Variants in ANKRD13A observed in about 807,000 individuals in gnomAD.
ANKRD13A encodes the protein ankyrin repeat domain-containing protein 13A.
ANKRD13A carries 48 observed loss-of-function variants against 81.3 expected under a neutral mutation model. That is an observed-to-expected ratio of 0.59 (90% CI 0.47 to 0.75). The LOEUF (loss-of-function observed/expected upper bound fraction) is 0.75. ANKRD13A is among the 30% of genes least tolerant of loss of function. The probability of loss-of-function intolerance (pLI) is 0.00; values close to 1 mark genes in which losing one functional copy is unlikely to be tolerated. For synonymous variants in ANKRD13A, 230 were observed against 270.1 expected, an observed-to-expected ratio of 0.85 and a Z score of 1.45; for missense variants, 612 against 734.0, an observed-to-expected ratio of 0.83 and a Z score of 1.92.
At chr12:110,024,217 C>G in intron 7 of ANKRD13A, 105 bp downstream of exon 7, 1 of 998,814 alleles carries the variant, frequency 1.0e-6, no homozygotes, top group South Asian at 1.6e-5. Context: ...TGGAGATGCT[C>G]TGGGGAATGA....
chr12:110,019,226 T>G lies in ANKRD13A; in HGVS notation c.632T>G (p.Leu211Arg). 2 of 1,614,078 alleles carry G rather than the reference T, an allele frequency of 1.2e-6. No individual in the cohort carries two copies. Among genetic ancestry groups the G allele is most frequent in the Non-Finnish European group, 8.5e-7 (1 of 1,179,948 alleles). The change falls in exon 6 of 15, where the codon CTC becomes CGC. Residue 211 changes from leucine (L) to arginine (R), a missense_variant. Coordinates refer to ENST00000261739, the MANE Select transcript of ANKRD13A (RefSeq NM_033121.2). ...RFDLSQEMERLTLDLMKPKSR... is the reference protein window; with the variant it reads ...RFDLSQEMERRTLDLMKPKSR... ...GACCTTTCCCAAGAAATGGAGCGCC[T>G]CACTCTGGACTTGATGAAGCCAAAA...
At chr12:110,029,192 A>G (rs1374466396) in intron 10 of ANKRD13A, 5 of 298,490 alleles carry the variant, frequency 1.7e-5, no homozygotes, top group Non-Finnish European at 3.1e-5. Flanking sequence ...AGCTGATCAA[A>G]TTCAAATGAA....
chr12:110,025,934 G>A (rs2137150132), intron 8 of ANKRD13A, 111 bp downstream of exon 8: 1 of 847,472 alleles, frequency 1.2e-6, no homozygotes, highest in Non-Finnish European at 1.8e-6. Flanking sequence ...GTTGTGTTAA[G>A]CCTAACCCTA....
rs2137192481 is a variant in ANKRD13A, at chr12:110,036,192, G to A, written c.1510-69G>A. 8 of 1,418,194 alleles carry A rather than the reference G, an allele frequency of 5.6e-6. No individual in the cohort carries two copies. Among genetic ancestry groups the A allele is most frequent in the Non-Finnish European group, 8.0e-6 (8 of 1,002,670 alleles). The allele number at this position is 1,418,194 out of a possible 1,614,324, so 87.9% of individuals were successfully genotyped here. On this transcript the variant is annotated intron_variant, in intron 13 of 14. Coordinates refer to ENST00000261739, the MANE Select transcript of ANKRD13A (RefSeq NM_033121.2). This position sits in a 1 kb window ranked among gnomAD's most constrained non-coding sequence, Gnocchi z 4.6. ...TTTTAATTTGGTTCTTGCTGCCATC[G>A]TTTCCTTACCAGAATGGCACCAATT... is the stretch of plus-strand genomic sequence containing the variant.
At chr12:110,024,314 T>C (rs2137144660) in intron 7 of ANKRD13A, among the ~76,000 whole-genome samples, 1 of 152,202 alleles carries the variant, frequency 6.6e-6, no homozygotes, top group South Asian at 2.1e-4. Flanking sequence ...TGAGGAGGTC[T>C]GTAGCTATGC....
At chr12:110,021,835 T>C (rs1380945451) in intron 6 of ANKRD13A, 1 of 152,260 alleles carries the variant, frequency 6.6e-6, no homozygotes, top group Non-Finnish European at 1.5e-5. Flanking sequence ...CTGCAGTATA[T>C]ACACTGTGGT....
At chr12:110,011,971 T>C (rs746469389) in intron 1 of ANKRD13A, 34 bp from the exon 2 acceptor site, 1 of 1,568,872 alleles carries the variant, frequency 6.4e-7, no homozygotes, top group East Asian at 2.3e-5. Flanking sequence ...ATGTAATACA[T>C]CCAATTATGT....
At chr12:110,013,076 G>A (rs1286947680) in intron 2 of ANKRD13A, 49 bp from the exon 3 acceptor site, 1 of 1,606,510 alleles carries the variant, frequency 6.2e-7, no homozygotes, top group East Asian at 2.2e-5. Flanking sequence ...CCTGGTTTTG[G>A]AATTTGTCAG....
chr12:110,020,228 C>A (rs1439621714), intron 6 of ANKRD13A, among the ~76,000 whole-genome samples: 3 of 152,206 alleles, frequency 2.0e-5, no homozygotes, highest in African/African-American at 7.2e-5. Context: ...TAGAATGCCA[C>A]ATCCAGCTCT....
intron 1 of ANKRD13A, among the ~76,000 whole-genome samples, chr12:110,002,323 A>G (rs1349515900): frequency 6.6e-6 from 1 of 152,174 alleles, no homozygotes; most frequent in East Asian, 1.9e-4. Context: ...ATTAAAAACA[A>G]AAAATTCTTA....
At chr12:110,031,250 TG>T (rs1458618320) in intron 12 of ANKRD13A, among the ~76,000 whole-genome samples, 7 of 152,064 alleles carry the variant, frequency 4.6e-5, no homozygotes, top group African/African-American at 1.7e-4. Context: ...AGAATATATA[TG>T]ATCCTAGTTA....
Position 110,002,254 on chromosome 12 carries a change from A to T in ANKRD13A, c.96+2470A>T, listed in dbSNP as rs7295865. Among the ~76,000 whole-genome samples, 396 of 152,308 alleles carry T rather than the reference A, an allele frequency of 2.6e-3. 5 individuals carry two copies. The highest frequency in any genetic ancestry group is 8.9e-3 in the African/African-American group (369 of 41,562). On this transcript the variant is annotated intron_variant, in intron 1 of 14. Coordinates refer to ENST00000261739, the MANE Select transcript of ANKRD13A (RefSeq NM_033121.2). ...ATAATCATCATTTGTAAACCTGGGG[A>T]TTGAGCTTTTTTGCTCTATATTCCA...
At chr12:110,008,572 C>A (rs1890354617) in intron 1 of ANKRD13A, among the ~76,000 whole-genome samples, 2 of 152,174 alleles carry the variant, frequency 1.3e-5, no homozygotes, top group Admixed American at 6.5e-5. Context: ...GGTATTAATT[C>A]TTTAAATGTT....
chr12:110,006,657 T>A (rs931618337), intron 1 of ANKRD13A, among the ~76,000 whole-genome samples: 2 of 151,892 alleles, frequency 1.3e-5, no homozygotes, highest in African/African-American at 4.8e-5. Context: ...AGTGCAATGG[T>A]GTGATCTCGG....
intron 7 of ANKRD13A, among the ~76,000 whole-genome samples, chr12:110,025,072 G>A (rs573125564): frequency 1.8e-4 from 28 of 152,302 alleles, no homozygotes; most frequent in African/African-American, 6.7e-4. Context: ...ACTACCAGCG[G>A]AGGCTGGGTG....
At chr12:110,031,957 G>A (rs1170698455) in intron 12 of ANKRD13A, among the ~76,000 whole-genome samples, 2 of 150,842 alleles carry the variant, frequency 1.3e-5, no homozygotes, top group South Asian at 2.1e-4. Flanking sequence ...ACACTTTTTT[G>A]TAGATTTCTT....
chr12:110,033,358 G>A (rs533794813), intron 12 of ANKRD13A, among the ~76,000 whole-genome samples: 7 of 151,966 alleles, frequency 4.6e-5, no homozygotes, highest in East Asian at 1.9e-4. Flanking sequence ...CACCGCGCCC[G>A]GCAGTTATTG....
At chr12:110,019,470 C>T in intron 6 of ANKRD13A, 142 bp downstream of exon 6, 1 of 737,802 alleles carries the variant, frequency 1.4e-6, no homozygotes, top group Non-Finnish European at 2.0e-6. Flanking sequence ...TAAGATTGAT[C>T]TCTAACCAGT....
intron 11 of ANKRD13A, 86 bp downstream of exon 11, chr12:110,029,721 A>G: frequency 6.7e-7 from 1 of 1,498,632 alleles, no homozygotes; most frequent in Non-Finnish European, 9.2e-7. Context: ...TGCTTCAGGG[A>G]ATTGGAGTGC....
Sources: gnomAD v4.1 joint callset for allele counts (sites outside exome capture counted in the v4.1 genomes callset) on GRCh38, gnomAD v4.1.1 for gene constraint, Gnocchi (gnomAD v3.1) non-coding constraint, MANE v1.5 for transcripts, NCBI Gene and HGNC (gene_info 2026-07-23, HGNC 2026-07-21) for gene names.